The following COX7A2L variants were observed in gnomAD, a reference collection of about 807,000 sequenced individuals.
The protein encoded by COX7A2L is cytochrome c oxidase subunit 7A2 like.
In COX7A2L, 18 loss-of-function variants were observed where a neutral mutation model predicts 14.2. That is an observed-to-expected ratio of 1.27 (90% confidence interval 0.88 to 1.88). COX7A2L has a LOEUF of 1.88. Among genes scored for constraint, COX7A2L ranks in the 40% most tolerant of loss-of-function variants. The pLI, the probability that COX7A2L is intolerant of heterozygous loss-of-function variation, is 0.00. For missense variants in COX7A2L, 179 were observed against 138.8 expected (o/e 1.29, Z -1.46); for synonymous variants, 65 against 57.4 (o/e 1.13, Z -0.60).
chr2:42,337,101 C>T (rs1670293733), intron 2 of COX7A2L, among the ~76,000 whole-genome samples: 1 of 152,160 alleles, frequency 6.6e-6, no homozygotes, highest in South Asian at 2.1e-4. Context: ...AGTAAATGTA[C>T]AAAGTAAATT....
chr2:42,351,366 A>T lies in COX7A2L; in HGVS notation c.205-7T>A. On this transcript the variant is annotated splice_polypyrimidine_tract_variant and splice_region_variant and intron_variant, in intron 2 of 2. Coordinates refer to ENST00000234301, the MANE Select transcript of COX7A2L (RefSeq NM_004718.4). ...CGGGCACACCATCAGCTTTCTTGAA[A>T]GCAAGAATTAACAAGGGCATGGTTG... The T allele has an allele frequency of 1.2e-6, 2 of 1,612,036 alleles. No homozygotes were observed. The highest frequency in any genetic ancestry group is 1.7e-6 in the Non-Finnish European group (2 of 1,179,382).
downstream of COX7A2L, among the ~76,000 whole-genome samples, chr2:42,345,435 T>C (rs1055340614): frequency 6.6e-6 from 1 of 152,124 alleles, no homozygotes; most frequent in African/African-American, 2.4e-5. Flanking sequence ...ACAACTTAGC[T>C]GGCTCCTCCT....
intron 1 of COX7A2L, among the ~76,000 whole-genome samples, chr2:42,367,286 C>G (rs2103923707): frequency 6.6e-6 from 1 of 152,286 alleles, no homozygotes; most frequent in South Asian, 2.1e-4. Context: ...CTTCCCCACT[C>G]TGAGTCTCAG....
At position 42,350,353 on chromosome 2, in the gene COX7A2L, T is replaced by C. The variant is rs546209378; in HGVS notation, c.*866A>G. 9 of 152,278 alleles carry C rather than the reference T, an allele frequency of 5.9e-5. No homozygotes were observed. The highest frequency in any genetic ancestry group is 3.9e-4 in the Admixed American group (6 of 15,292). 9.4% of individuals were successfully genotyped at this position (152,278 alleles called of 1,614,324 possible). On this transcript the variant is annotated 3_prime_UTR_variant, in exon 3 of 3. Coordinates refer to ENST00000234301, the MANE Select transcript of COX7A2L (RefSeq NM_004718.4). Reference sequence around the variant, plus strand: ...CATGTGGTAATCATCAATATGCCATTAAGACTCCTATTACTAGACTTTTAA... The same window carrying C: ...CATGTGGTAATCATCAATATGCCATCAAGACTCCTATTACTAGACTTTTAA...
intron 1 of COX7A2L, 85 bp from the exon 2 acceptor site, chr2:42,353,428 A>G: frequency 6.5e-7 from 1 of 1,549,000 alleles, no homozygotes; most frequent in Non-Finnish European, 8.8e-7. Flanking sequence ...TTCAACTACG[A>G]GAGAGCAAGA....
intron 1 of COX7A2L, among the ~76,000 whole-genome samples, chr2:42,367,506 G>A (rs17317838): frequency 0.093 from 14,137 of 152,182 alleles, 750 homozygotes; most frequent in South Asian, 0.2. Flanking sequence ...CTAGGAGGAA[G>A]TTATCAATCA....
At chr2:42,365,355 G>A (rs1219727785), upstream of COX7A2L, among the ~76,000 whole-genome samples, 2 of 152,148 alleles carry the variant, frequency 1.3e-5, no homozygotes, top group Non-Finnish European at 2.9e-5. Context: ...GGTTGGGCAC[G>A]GTGGCTCACA....
rs1281590524 is a variant in COX7A2L, at chr2:42,361,140, A to C, written c.22T>G (p.Phe8Val). The change falls in exon 1 of 3, where the codon TTC becomes GTC. Residue 8 changes from phenylalanine (F) to valine (V), a missense_variant. Coordinates refer to ENST00000234301, the MANE Select transcript of COX7A2L (RefSeq NM_004718.4). The stretch of plus-strand genomic sequence containing the variant: ...CATGCTCCTGCCAACTTCTGCGTGA[A>C]GCCACTAAACTTGTAGTACATGACG... Reference protein sequence around the residue: MYYKFSGFTQKLAGAWAS... With the variant: MYYKFSGVTQKLAGAWAS... 1 of 1,613,740 alleles carries C rather than the reference A, an allele frequency of 6.2e-7. No homozygotes were observed. The highest frequency in any genetic ancestry group is 2.2e-5 in the East Asian group (1 of 44,876).
chr2:42,344,112 C>T (rs1293570941), intron 2 of COX7A2L, among the ~76,000 whole-genome samples: 1 of 152,196 alleles, frequency 6.6e-6, no homozygotes, highest in East Asian at 1.9e-4. Context: ...CTATGCATAT[C>T]TAAGCTTAAT....
chr2:42,363,356 T>C (rs1671099747), upstream of COX7A2L, among the ~76,000 whole-genome samples: 1 of 152,240 alleles, frequency 6.6e-6, no homozygotes, highest in South Asian at 2.1e-4. Context: ...TTAAATGATT[T>C]GGGACAGCTA....
upstream of COX7A2L, chr2:42,365,527 T>G (rs2103921467): frequency 6.6e-6 from 1 of 152,066 alleles, no homozygotes; most frequent in Non-Finnish European, 1.5e-5. Flanking sequence ...CAGGTGAGGC[T>G]GAGTCAGGAG....
intron 1 of COX7A2L, among the ~76,000 whole-genome samples, chr2:42,367,106 G>C (rs1419640508): frequency 6.6e-6 from 1 of 152,172 alleles, no homozygotes; most frequent in Non-Finnish European, 1.5e-5. Flanking sequence ...CAGATTCTCA[G>C]ATGGTGGAGA....
At chr2:42,368,133 C>T (rs528101890) in intron 1 of COX7A2L, among the ~76,000 whole-genome samples, 50 of 152,278 alleles carry the variant, frequency 3.3e-4, no homozygotes, top group African/African-American at 1.1e-3. Context: ...TAAGAACAAC[C>T]GAGTGGGTGG....
At chr2:42,346,918 A>T (rs916611084), downstream of COX7A2L, among the ~76,000 whole-genome samples, 10 of 151,714 alleles carry the variant, frequency 6.6e-5, no homozygotes, top group South Asian at 6.2e-4. Context: ...ACTTTTTTTT[A>T]AAAATTCTTT....
At chr2:42,337,676 G>C (rs768007295) in intron 2 of COX7A2L, among the ~76,000 whole-genome samples, 5 of 152,044 alleles carry the variant, frequency 3.3e-5, no homozygotes, top group Non-Finnish European at 5.9e-5. Context: ...TCTCACCACT[G>C]GGGGAAGCAG....
At chr2:42,348,461 A>G (rs1670539627), downstream of COX7A2L, among the ~76,000 whole-genome samples, 1 of 152,212 alleles carries the variant, frequency 6.6e-6, no homozygotes, top group African/African-American at 2.4e-5. Context: ...CATATCACCT[A>G]TAAAAAATTC....
chr2:42,344,935 T>C (rs1670467514), downstream of COX7A2L, among the ~76,000 whole-genome samples: 1 of 152,144 alleles, frequency 6.6e-6, no homozygotes, highest in African/African-American at 2.4e-5. Context: ...TAAAATAAGG[T>C]AATTTCAGCA....
upstream of COX7A2L, chr2:42,361,333 C>A: frequency 1.7e-6 from 1 of 603,102 alleles, no homozygotes; most frequent in Non-Finnish European, 2.9e-6. Flanking sequence ...ATTGGGGAAC[C>A]AAAAGCCAGG....
chr2:42,358,121 T>A (rs1006918329), intron 1 of COX7A2L, among the ~76,000 whole-genome samples: 1 of 152,226 alleles, frequency 6.6e-6, no homozygotes, highest in Non-Finnish European at 1.5e-5. Context: ...AAATGTAACA[T>A]GTTTCGTTTC....
Sources: allele counts gnomAD v4.1 joint callset (sites outside exome capture counted in the v4.1 genomes callset), GRCh38; gene constraint gnomAD v4.1.1; transcripts MANE v1.5; gene names NCBI Gene and HGNC (gene_info 2026-07-23, HGNC 2026-07-21).